HS3ST5: variants seen among roughly 807,000 people sequenced by gnomAD.
The protein encoded by HS3ST5 is heparan sulfate glucosamine 3-O-sulfotransferase 5.
HS3ST5 carries 10 observed loss-of-function variants against 25.4 expected under a neutral mutation model. The ratio of observed to expected loss-of-function variants is 0.39; its 90% confidence interval spans 0.24 to 0.67. The LOEUF (loss-of-function observed/expected upper bound fraction) is 0.67, where lower values mean the gene tolerates loss of function less well. Among genes scored for constraint, HS3ST5 ranks in the 30% least tolerant of loss-of-function variants. HS3ST5 has a pLI of 0.44. For synonymous variants in HS3ST5, 170 were observed against 162.4 expected, an observed-to-expected ratio of 1.05 and a Z score of -0.36; for missense variants, 324 against 420.7, an observed-to-expected ratio of 0.77 and a Z score of 2.01.
chr6:114,255,908 T>C (rs1772886615), intron 1 of HS3ST5, among the ~76,000 whole-genome samples: 1 of 152,168 alleles, frequency 6.6e-6, no homozygotes, highest in Non-Finnish European at 1.5e-5. Context: ...CAGGAGACAT[T>C]TTCCCCATTG....
chr6:114,273,566 G>A (rs892629559), intron 1 of HS3ST5, among the ~76,000 whole-genome samples: 1 of 152,056 alleles, frequency 6.6e-6, no homozygotes, highest in Non-Finnish European at 1.5e-5. Flanking sequence ...TTAGGGACAT[G>A]AGGAGAAATA....
At chr6:114,295,777 G>A (rs370698769) in intron 1 of HS3ST5, among the ~76,000 whole-genome samples, 20 of 152,264 alleles carry the variant, frequency 1.3e-4, no homozygotes, top group African/African-American at 3.4e-4. Context: ...CTACTGTGAC[G>A]GAAGCTGAAA....
intron 1 of HS3ST5, among the ~76,000 whole-genome samples, chr6:114,282,837 G>C (rs1481251255): frequency 2.0e-5 from 3 of 151,988 alleles, no homozygotes; most frequent in Non-Finnish European, 2.9e-5. Context: ...ATTTCTTACA[G>C]AAAGTATGTG....
chr6:114,120,872 TA>T (rs1346816069), intron 3 of HS3ST5, among the ~76,000 whole-genome samples: 2 of 152,204 alleles, frequency 1.3e-5, no homozygotes, highest in African/African-American at 4.8e-5. Context: ...TTCCACGAAT[TA>T]AAAAGGGAGG....
intron 3 of HS3ST5, among the ~76,000 whole-genome samples, chr6:114,140,024 C>G (rs1181026894): frequency 1.3e-5 from 2 of 152,164 alleles, no homozygotes; most frequent in Non-Finnish European, 2.9e-5. Flanking sequence ...GTGATGGATA[C>G]AAACCACTGG....
At chr6:114,065,120 C>T (rs902983996) in intron 3 of HS3ST5, among the ~76,000 whole-genome samples, 1 of 152,156 alleles carries the variant, frequency 6.6e-6, no homozygotes, top group African/African-American at 2.4e-5. Context: ...TTGAGGCTTA[C>T]TGTGTAGCAA....
At chr6:114,233,566 C>A (rs1337230304) in intron 1 of HS3ST5, among the ~76,000 whole-genome samples, 1 of 152,136 alleles carries the variant, frequency 6.6e-6, no homozygotes, top group Non-Finnish European at 1.5e-5. Context: ...AAGAAAAACC[C>A]TCAGCTAAAC....
intron 2 of HS3ST5, among the ~76,000 whole-genome samples, chr6:114,177,907 T>C (rs1779797519): frequency 6.6e-6 from 1 of 152,216 alleles, no homozygotes. Context: ...AGTATGTTTA[T>C]GCATTTATAT....
chr6:114,120,198 CAATG>C (rs1776720876), intron 3 of HS3ST5, among the ~76,000 whole-genome samples: 1 of 151,850 alleles, frequency 6.6e-6, no homozygotes, highest in Non-Finnish European at 1.5e-5. Context: ...CCCAAATAAA[CAATG>C]AACAGACAAG....
intron 1 of HS3ST5, among the ~76,000 whole-genome samples, chr6:114,270,029 C>T (rs1224878530): frequency 1.3e-5 from 2 of 152,148 alleles, no homozygotes; most frequent in African/African-American, 4.8e-5. Context: ...TCTAGCATTA[C>T]CAGATACTAT....
intron 3 of HS3ST5, among the ~76,000 whole-genome samples, chr6:114,156,351 C>T (rs1198959941): frequency 6.6e-6 from 1 of 152,206 alleles, no homozygotes; most frequent in African/African-American, 2.4e-5. Context: ...AATTCATATT[C>T]TTCTAAAGAA....
chr6:114,258,228 T>TCTGGAGAG (rs1205103803), intron 1 of HS3ST5, among the ~76,000 whole-genome samples: 4 of 152,194 alleles, frequency 2.6e-5, no homozygotes, highest in Non-Finnish European at 4.4e-5. Flanking sequence ...TATGCCCTCC[T>TCTGGAGAG]CTGGAGAGCT....
chr6:114,289,954 T>C (rs1774498612), intron 1 of HS3ST5, among the ~76,000 whole-genome samples: 1 of 152,154 alleles, frequency 6.6e-6, no homozygotes, highest in Non-Finnish European at 1.5e-5. Flanking sequence ...ACAAAAATGA[T>C]AGATTTCTTT....
In HS3ST5 at chr6:114,192,346, C is replaced by A. The variant is rs115156637; in HGVS notation, c.-144-23884G>T. ...TCTTAATAACTATAAGATATAGATA[C>A]CTATCATCCCATTTCACAGATTAGA... is the stretch of plus-strand genomic sequence containing the variant. On this transcript the variant is annotated intron_variant, in intron 2 of 4. Coordinates refer to ENST00000312719, the MANE Select transcript of HS3ST5 (RefSeq NM_153612.4). Among the ~76,000 whole-genome samples, 721 of 152,240 alleles carry A rather than the reference C, an allele frequency of 4.7e-3. 4 individuals are homozygous for A. Among genetic ancestry groups the A allele is most frequent in the African/African-American group, 0.017 (698 of 41,520 alleles).
intron 1 of HS3ST5, among the ~76,000 whole-genome samples, chr6:114,291,763 A>G (rs1484085599): frequency 6.6e-6 from 1 of 152,204 alleles, no homozygotes; most frequent in Non-Finnish European, 1.5e-5. Context: ...TTCCTTAAAT[A>G]AAGGCAAAAA....
rs760182572 is a variant in HS3ST5, at chr6:114,323,841, G to A, written c.-339+18354C>T. 4.7e-4 allele frequency among the ~76,000 whole-genome samples: 71 copies of A among 152,104 alleles called. 2 individuals carry two copies. Among genetic ancestry groups the A allele is most frequent in the Non-Finnish European group, 2.6e-4 (18 of 67,994 alleles). Reference sequence around the variant, plus strand: ...ATCTTAATTTGAGACAGGGTGTTTCGAAGATTCTCAAAAGGCAAACACAGT... The same window carrying A: ...ATCTTAATTTGAGACAGGGTGTTTCAAAGATTCTCAAAAGGCAAACACAGT... On this transcript the variant is annotated intron_variant, in intron 1 of 4. Coordinates refer to ENST00000312719, the MANE Select transcript of HS3ST5 (RefSeq NM_153612.4).
chr6:114,303,050 A>G (rs1174574911), intron 1 of HS3ST5, among the ~76,000 whole-genome samples: 2 of 152,168 alleles, frequency 1.3e-5, no homozygotes, highest in Admixed American at 6.5e-5. Flanking sequence ...TAAATACATC[A>G]CTTTTTAAAA....
chr6:114,277,454 T>G (rs1773911674), intron 1 of HS3ST5, among the ~76,000 whole-genome samples: 1 of 147,496 alleles, frequency 6.8e-6, no homozygotes. Flanking sequence ...CGCAATTACT[T>G]TTGCACCAAC....
intron 3 of HS3ST5, chr6:114,142,639 C>T (rs1374919897): frequency 2.0e-5 from 3 of 152,122 alleles, no homozygotes; most frequent in African/African-American, 7.2e-5. Context: ...CAGGTAAATG[C>T]CATTTACAGA....
Sources: allele counts gnomAD v4.1 joint callset (sites outside exome capture counted in the v4.1 genomes callset), GRCh38; gene constraint gnomAD v4.1.1; transcripts MANE v1.5; gene names NCBI Gene and HGNC (gene_info 2026-07-23, HGNC 2026-07-21).